Variants in SLC38A1 observed in about 807,000 individuals in gnomAD.
SLC38A1 encodes the protein solute carrier family 38 member 1.
A neutral mutation model predicts 60.3 loss-of-function variants in SLC38A1; 18 were observed. The observed-to-expected ratio is 0.30, with a 90% CI of 0.21 to 0.44. SLC38A1 has a LOEUF of 0.44. SLC38A1 is among the 20% of genes least tolerant of loss of function. The pLI is 1.00. For synonymous variants in SLC38A1, 196 were observed against 212.1 expected (o/e 0.92, Z 0.66); for missense variants, 448 against 587.2 (o/e 0.76, Z 2.45).
At chr12:46,236,732 G>A (rs903598056) in intron 3 of SLC38A1, among the ~76,000 whole-genome samples, 2 of 152,154 alleles carry the variant, frequency 1.3e-5, no homozygotes, top group African/African-American at 2.4e-5. Context: ...ACATTTAGAG[G>A]AACAGTCTAG....
At chr12:46,244,945 G>C (rs1941564958) in intron 1 of SLC38A1, among the ~76,000 whole-genome samples, 1 of 152,052 alleles carries the variant, frequency 6.6e-6, no homozygotes, top group Non-Finnish European at 1.5e-5. Context: ...ATGGTATAAT[G>C]AACTCCCATA....
At chr12:46,251,103 G>T (rs540889588) in intron 1 of SLC38A1, among the ~76,000 whole-genome samples, 1 of 152,272 alleles carries the variant, frequency 6.6e-6, no homozygotes, top group East Asian at 1.9e-4. Context: ...TATGCTACAA[G>T]GCTACAGTAA....
At chr12:46,235,154 GA>G (rs1159459516) in intron 3 of SLC38A1, among the ~76,000 whole-genome samples, 4 of 148,180 alleles carry the variant, frequency 2.7e-5, no homozygotes, top group African/African-American at 1.1e-4. Flanking sequence ...ATTGTGAAGA[GA>G]GGCAAGAAAC....
intron 3 of SLC38A1, among the ~76,000 whole-genome samples, chr12:46,233,722 G>A (rs914505662): frequency 6.6e-6 from 1 of 152,204 alleles, no homozygotes; most frequent in East Asian, 1.9e-4. Context: ...CTATTTTAAT[G>A]AGTAACCGTT....
intron 3 of SLC38A1, among the ~76,000 whole-genome samples, chr12:46,230,235 T>A (rs1941021204): frequency 6.6e-6 from 1 of 152,178 alleles, no homozygotes; most frequent in Non-Finnish European, 1.5e-5. Flanking sequence ...CAGCGCCTGC[T>A]ATATGCAAGT....
At chr12:46,199,686 A>G (rs1219509930) in intron 13 of SLC38A1, among the ~76,000 whole-genome samples, 1 of 151,954 alleles carries the variant, frequency 6.6e-6, no homozygotes, top group African/African-American at 2.4e-5. Context: ...CTTTTTCTCA[A>G]TCCAGAACTT....
intron 13 of SLC38A1, among the ~76,000 whole-genome samples, chr12:46,198,986 C>T (rs1209899215): frequency 1.3e-5 from 2 of 152,120 alleles, no homozygotes; most frequent in Non-Finnish European, 2.9e-5. Context: ...AGTGGGAATG[C>T]TTAATTTAGA....
chr12:46,258,068 G>A (rs1400970565), intron 1 of SLC38A1, among the ~76,000 whole-genome samples: 2 of 152,180 alleles, frequency 1.3e-5, no homozygotes, highest in Non-Finnish European at 2.9e-5. Flanking sequence ...CATTGCCATG[G>A]CATTTGTAAG....
intron 1 of SLC38A1, among the ~76,000 whole-genome samples, chr12:46,252,499 T>C (rs1941884377): frequency 6.6e-6 from 1 of 151,864 alleles, no homozygotes; most frequent in Non-Finnish European, 1.5e-5. Flanking sequence ...CCTAGAAGTA[T>C]AATAAAATAT....
intron 5 of SLC38A1, among the ~76,000 whole-genome samples, chr12:46,214,944 C>T (rs534088469): frequency 1.3e-4 from 20 of 152,138 alleles, no homozygotes; most frequent in Admixed American, 4.6e-4. Flanking sequence ...AAGAGAGAAC[C>T]GTTGCCAGCC....
chr12:46,204,170 A>C (rs1939786499), intron 11 of SLC38A1, 131 bp downstream of exon 11: 1 of 694,080 alleles, frequency 1.4e-6, no homozygotes. Flanking sequence ...ATAGATGTGT[A>C]ATCTGGAAGC....
rs564343665 is a variant in SLC38A1, at chr12:46,204,435, A to G, written c.706-18T>C. The G allele has an allele frequency of 2.5e-6, 4 of 1,595,950 alleles. No homozygotes were observed. In the African/African-American group the frequency reaches 5.4e-5, roughly 21 times the overall value. On this transcript the variant is annotated intron_variant, in intron 10 of 16. Transcript: ENST00000398637. ...TAAATAACCTGGTATTAAGAAGTAT[A>G]GTAGAAGCAATATGGACTTTAGTAA... is the stretch of plus-strand genomic sequence containing the variant.
intron 5 of SLC38A1, among the ~76,000 whole-genome samples, chr12:46,209,578 G>A (rs1482133984): frequency 1.3e-5 from 2 of 152,084 alleles, no homozygotes; most frequent in African/African-American, 2.4e-5. Flanking sequence ...TGGATTCCTT[G>A]CCCATAATAT....
chr12:46,196,186 T>G (rs1266294789), intron 16 of SLC38A1: 13 of 1,536,066 alleles, frequency 8.5e-6, no homozygotes, highest in Non-Finnish European at 1.1e-5. Context: ...TCCTTGCGCT[T>G]GAGCATGTTC....
chr12:46,227,190 A>T (rs1940901690), intron 5 of SLC38A1, among the ~76,000 whole-genome samples: 1 of 152,242 alleles, frequency 6.6e-6, no homozygotes, highest in Non-Finnish European at 1.5e-5. Context: ...GCTAGTATAA[A>T]GTTCTATATC....
At chr12:46,194,860 C>T (rs1471175562) in intron 16 of SLC38A1, among the ~76,000 whole-genome samples, 1 of 152,008 alleles carries the variant, frequency 6.6e-6, no homozygotes, top group East Asian at 1.9e-4. Context: ...TTTTTAGCCT[C>T]TTTGCGATGG....
At chr12:46,224,494 G>A (rs1179980979) in intron 5 of SLC38A1, among the ~76,000 whole-genome samples, 2 of 152,112 alleles carry the variant, frequency 1.3e-5, no homozygotes, top group East Asian at 1.9e-4. Context: ...CCAGATGACT[G>A]CAGAGAAGGC....
At chr12:46,204,922 G>C (rs1939825529) in intron 9 of SLC38A1, among the ~76,000 whole-genome samples, 1 of 152,216 alleles carries the variant, frequency 6.6e-6, no homozygotes, top group African/African-American at 2.4e-5. Flanking sequence ...TTTGCTGTAA[G>C]TCTGTGTTGG....
chr12:46,249,305 A>T (rs933260038), intron 1 of SLC38A1, among the ~76,000 whole-genome samples: 2 of 152,220 alleles, frequency 1.3e-5, no homozygotes, highest in Non-Finnish European at 2.9e-5. Context: ...AAGACACATC[A>T]TACCAGAATC....
Sources: gnomAD v4.1 joint callset for allele counts (sites outside exome capture counted in the v4.1 genomes callset) on GRCh38, gnomAD v4.1.1 for gene constraint, MANE v1.5 for transcripts, NCBI Gene and HGNC (gene_info 2026-07-23, HGNC 2026-07-21) for gene names.